The following USP28 variants were observed in gnomAD, a reference collection of about 807,000 sequenced individuals.
USP28 encodes the protein ubiquitin specific peptidase 28.
A neutral mutation model predicts 145.0 loss-of-function variants in USP28; 113 were observed. The ratio of observed to expected loss-of-function variants is 0.78; its 90% confidence interval spans 0.67 to 0.91. The LOEUF (loss-of-function observed/expected upper bound fraction) is 0.91. Ranked by LOEUF, USP28 falls within the 40% of genes least tolerant of loss-of-function variation. The pLI is 0.00. For synonymous variants in USP28, 447 were observed against 450.9 expected, an observed-to-expected ratio of 0.99 and a Z score of 0.11; for missense variants, 1,201 against 1,289.6, an observed-to-expected ratio of 0.93 and a Z score of 1.05.
At chr11:113,819,317 C>T in intron 12 of USP28, among the ~76,000 whole-genome samples, 1 of 151,924 alleles carries the variant, frequency 6.6e-6, no homozygotes, top group East Asian at 1.9e-4. Flanking sequence ...TTTGCTGTGT[C>T]AGCCAAGCTG....
intron 19 of USP28, among the ~76,000 whole-genome samples, chr11:113,805,924 G>T (rs1169120372): frequency 6.6e-6 from 1 of 152,096 alleles, no homozygotes; most frequent in Non-Finnish European, 1.5e-5. Flanking sequence ...TCACTTCACA[G>T]AAGACTTTTT....
At chr11:113,823,543 A>G in intron 12 of USP28, 62 bp downstream of exon 12, 1 of 1,265,502 alleles carries the variant, frequency 7.9e-7, no homozygotes, top group South Asian at 1.4e-5. Context: ...TTTAAAGAAA[A>G]ACAAATTATC....
At chr11:113,809,077 T>C (rs538292215) in exon 17 of USP28, 2 of 1,613,840 alleles carry the variant, frequency 1.2e-6, no homozygotes, top group Non-Finnish European at 1.7e-6. Context: ...TGATGTAGAG[T>C]AGTCCTGTGA....
chr11:113,867,792 AAAG>A (rs1358810236), intron 1 of USP28, among the ~76,000 whole-genome samples: 1 of 141,670 alleles, frequency 7.1e-6, no homozygotes, highest in Non-Finnish European at 1.5e-5. Context: ...ACACAAAAGG[AAAG>A]AAGGAAGGGG....
chr11:113,825,621 T>TGCAGTG (rs1943198351), intron 11 of USP28, among the ~76,000 whole-genome samples: 1 of 152,192 alleles, frequency 6.6e-6, no homozygotes, highest in Non-Finnish European at 1.5e-5. Context: ...AAAAAATCAC[T>TGCAGTG]GCAGTACATA....
intron 3 of USP28, among the ~76,000 whole-genome samples, chr11:113,844,810 A>G (rs971352316): frequency 1.3e-5 from 2 of 152,192 alleles, no homozygotes; most frequent in African/African-American, 4.8e-5. Flanking sequence ...TGGGATTTTA[A>G]GATGGTGCAA....
chr11:113,821,523 C>T (rs1022320721), intron 12 of USP28: 1 of 203,420 alleles, frequency 4.9e-6, no homozygotes, highest in Non-Finnish European at 1.0e-5. Context: ...TTTAGAAGGG[C>T]ACCTCCAGCA....
At chr11:113,874,864 C>T (rs551421698) in intron 1 of USP28, 17 of 1,002,844 alleles carry the variant, frequency 1.7e-5, no homozygotes, top group Admixed American at 5.7e-5. Flanking sequence ...CGCAGCTCCT[C>T]CCCCTCCTTA....
intron 1 of USP28, among the ~76,000 whole-genome samples, chr11:113,866,180 T>C (rs1273611074): frequency 6.6e-6 from 1 of 152,156 alleles, no homozygotes; most frequent in African/African-American, 2.4e-5. Flanking sequence ...TAATCCCAGC[T>C]TCCTGGGAGG....
intron 16 of USP28, among the ~76,000 whole-genome samples, chr11:113,811,206 T>G (rs547577485): frequency 1.3e-5 from 2 of 152,362 alleles, no homozygotes; most frequent in East Asian, 3.9e-4. Context: ...GAATCTGTTA[T>G]CCAGCTGGAA....
At chr11:113,810,953 G>A (rs1203222871) in intron 16 of USP28, among the ~76,000 whole-genome samples, 1 of 152,218 alleles carries the variant, frequency 6.6e-6, no homozygotes, top group Admixed American at 6.5e-5. Context: ...GGGATTACAG[G>A]CGTGAACCAC....
chr11:113,812,771 A>C (rs1407419950), intron 15 of USP28, among the ~76,000 whole-genome samples: 1 of 152,198 alleles, frequency 6.6e-6, no homozygotes, highest in African/African-American at 2.4e-5. Context: ...AAAACCAAAC[A>C]TAACCTAAAC....
At chr11:113,866,862 T>G (rs545940711) in intron 1 of USP28, among the ~76,000 whole-genome samples, 1 of 152,334 alleles carries the variant, frequency 6.6e-6, no homozygotes, top group South Asian at 2.1e-4. Flanking sequence ...AACAGAACTA[T>G]TCATAATAAC....
intron 1 of USP28, among the ~76,000 whole-genome samples, chr11:113,857,153 C>G (rs1033252690): frequency 6.6e-6 from 1 of 152,200 alleles, no homozygotes; most frequent in African/African-American, 2.4e-5. Context: ...CTTCTTAAAT[C>G]TCTGAACTTT....
rs760217086 is a variant in USP28, at chr11:113,803,207, CG to C, written c.2812del (p.Arg938GlyfsTer7). On this transcript the variant is annotated frameshift_variant, in exon 23 of 25. Transcript: ENST00000003302. LOFTEE classifies it high-confidence loss of function. Reference sequence around the variant, plus strand: ...AGCAATCACGGATTCTTTGACCCCCCGGCGGGGCCCCTTCATCAGCAGGGCA... The same window carrying C: ...AGCAATCACGGATTCTTTGACCCCCCGCGGGGCCCCTTCATCAGCAGGGCA... 3 of 1,614,138 alleles carry C rather than the reference CG, an allele frequency of 1.9e-6. No individual in the cohort carries two copies. The highest frequency in any genetic ancestry group is 2.5e-6 in the Non-Finnish European group (3 of 1,179,982).
At chr11:113,824,905 T>A (rs1487348890) in intron 11 of USP28, among the ~76,000 whole-genome samples, 1 of 139,826 alleles carries the variant, frequency 7.2e-6, no homozygotes, top group Non-Finnish European at 1.5e-5. Flanking sequence ...CACTCCAGCC[T>A]GGGCAACAAG....
intron 16 of USP28, among the ~76,000 whole-genome samples, chr11:113,811,300 T>G (rs1295642358): frequency 6.6e-6 from 1 of 152,230 alleles, no homozygotes; most frequent in Non-Finnish European, 1.5e-5. Flanking sequence ...GAAAGCATGC[T>G]TTAAGAAGTA....
chr11:113,823,175 C>G (rs142898885), intron 12 of USP28, among the ~76,000 whole-genome samples: 1 of 152,120 alleles, frequency 6.6e-6, no homozygotes, highest in Non-Finnish European at 1.5e-5. Context: ...AAATATTAGC[C>G]CTTTTAATCA....
At chr11:113,813,942 A>G (rs1941354743) in exon 15 of USP28, 2 of 1,608,960 alleles carry the variant, frequency 1.2e-6, no homozygotes, top group Non-Finnish European at 1.7e-6. Context: ...TACTTGCAAT[A>G]CAAGTCTTTA....
Sources: gnomAD v4.1 joint callset for allele counts (sites outside exome capture counted in the v4.1 genomes callset) on GRCh38, gnomAD v4.1.1 for gene constraint, MANE v1.5 for transcripts, NCBI Gene and HGNC (gene_info 2026-07-23, HGNC 2026-07-21) for gene names.